CAST: variants seen among roughly 807,000 people sequenced by gnomAD.
CAST encodes MIR583 host.
CAST carries 76 observed loss-of-function variants against 119.6 expected under a neutral mutation model. The observed-to-expected ratio is 0.64, with a 90% CI of 0.53 to 0.77. The LOEUF is 0.77. CAST is among the 30% of genes least tolerant of loss of function. The pLI is 0.00. For missense variants in CAST, 953 were observed against 946.5 expected (o/e 1.01, Z -0.09); for synonymous variants, 319 against 331.6 (o/e 0.96, Z 0.41).
chr5:96,107,581 G>A, the CAST span, among the ~76,000 whole-genome samples: 1 of 152,160 alleles, frequency 6.6e-6, no homozygotes, highest in African/African-American at 2.4e-5. Flanking sequence ...TAGAGTTTCT[G>A]CCGAGAGATC....
intron 1 of CAST, among the ~76,000 whole-genome samples, chr5:96,532,801 G>C (rs1263605902): frequency 6.6e-6 from 1 of 152,136 alleles, no homozygotes; most frequent in African/African-American, 2.4e-5. Flanking sequence ...AGTGAGCTGA[G>C]ATCGTGCCAT....
the CAST span, among the ~76,000 whole-genome samples, chr5:96,426,888 T>A: frequency 6.6e-6 from 1 of 152,188 alleles, no homozygotes; most frequent in Admixed American, 6.5e-5. Flanking sequence ...ATTAAAAATA[T>A]ACTGCAAACC....
chr5:96,662,845 A>C (rs1477203980), intron 1 of CAST, among the ~76,000 whole-genome samples: 1 of 152,192 alleles, frequency 6.6e-6, no homozygotes. Context: ...TTCACTGGAC[A>C]GCGGGATGTA....
the CAST span, among the ~76,000 whole-genome samples, chr5:96,051,201 T>C: frequency 6.6e-6 from 1 of 151,196 alleles, no homozygotes; most frequent in African/African-American, 2.4e-5. Context: ...CATTCAGGCG[T>C]GTGTGTGTGT....
the CAST span, among the ~76,000 whole-genome samples, chr5:96,235,864 G>A: frequency 1.3e-5 from 2 of 152,050 alleles, no homozygotes; most frequent in South Asian, 2.1e-4. Context: ...ACTCCTCTGC[G>A]AGTAACTTGG....
At chr5:96,401,519 A>T in the CAST span, among the ~76,000 whole-genome samples, 3 of 152,244 alleles carry the variant, frequency 2.0e-5, no homozygotes, top group Non-Finnish European at 2.9e-5. Flanking sequence ...TAAAATCATA[A>T]GTCTTAGTAA....
the CAST span, among the ~76,000 whole-genome samples, chr5:96,195,326 T>G: frequency 5.9e-5 from 9 of 152,190 alleles, no homozygotes; most frequent in Non-Finnish European, 1.3e-4. Context: ...AATAAGACTT[T>G]GGAAGCCTTT....
At chr5:96,448,406 T>TTTCATTCA in the CAST span, among the ~76,000 whole-genome samples, 105 of 152,280 alleles carry the variant, frequency 6.9e-4, no homozygotes, top group African/African-American at 2.4e-3. Context: ...ACTTGCTATA[T>TTTCATTCA]TTCATTCATT....
chr5:96,291,840 C>CTGAGTGTG, the CAST span, among the ~76,000 whole-genome samples: 1 of 82,704 alleles, frequency 1.2e-5, no homozygotes, highest in East Asian at 3.9e-4. Context: ...GATTCCCAGT[C>CTGAGTGTG]TGCGTGTGTG....
the CAST span, among the ~76,000 whole-genome samples, chr5:96,469,879 A>ATATATGTGTGTGTGT: frequency 3.7e-5 from 4 of 107,420 alleles, no homozygotes; most frequent in African/African-American, 1.2e-4. Context: ...ATATATATAT[A>ATATATGTGTGTGTGT]ATATATATAT....
At chr5:96,131,350 A>C in the CAST span, among the ~76,000 whole-genome samples, 1 of 152,070 alleles carries the variant, frequency 6.6e-6, no homozygotes, top group Non-Finnish European at 1.5e-5. Flanking sequence ...AAGCCTGCAC[A>C]ACTGGCTGTT....
At chr5:96,009,767 TC>T in the CAST span, among the ~76,000 whole-genome samples, 1 of 152,216 alleles carries the variant, frequency 6.6e-6, no homozygotes, top group East Asian at 1.9e-4. Flanking sequence ...GCTGATAGTT[TC>T]TTTTGCTGTA....
the CAST span, among the ~76,000 whole-genome samples, chr5:95,997,223 C>T: frequency 6.6e-6 from 1 of 152,148 alleles, no homozygotes; most frequent in African/African-American, 2.4e-5. Context: ...CCAGGGGAAA[C>T]TGTGCCCACA....
the CAST span, among the ~76,000 whole-genome samples, chr5:96,019,889 G>A: frequency 1.3e-5 from 2 of 152,094 alleles, no homozygotes; most frequent in Middle Eastern, 3.2e-3. Context: ...GAGTAAATGC[G>A]ATTTCCAAAC....
chr5:96,094,146 G>A, the CAST span, among the ~76,000 whole-genome samples: 1 of 152,188 alleles, frequency 6.6e-6, no homozygotes, highest in Non-Finnish European at 1.5e-5. Context: ...AAAGATCCCT[G>A]GAGCCCATTA....
At chr5:96,085,238 T>C in the CAST span, among the ~76,000 whole-genome samples, 1 of 152,070 alleles carries the variant, frequency 6.6e-6, no homozygotes, top group African/African-American at 2.4e-5. Flanking sequence ...TAAAAAAAAA[T>C]AAAACTTATT....
At chr5:96,414,250 A>T in the CAST span, among the ~76,000 whole-genome samples, 3 of 152,260 alleles carry the variant, frequency 2.0e-5, no homozygotes, top group African/African-American at 7.2e-5. Flanking sequence ...GATGATAATA[A>T]CAGCTCATGT....
the CAST span, among the ~76,000 whole-genome samples, chr5:96,169,705 G>A: frequency 4.7e-4 from 72 of 152,170 alleles, no homozygotes; most frequent in Non-Finnish European, 8.2e-4. Context: ...TCACCAAGGA[G>A]GGAATAGAGG....
the CAST span, among the ~76,000 whole-genome samples, chr5:96,187,144 C>T: frequency 3.3e-5 from 5 of 152,026 alleles, no homozygotes; most frequent in Non-Finnish European, 7.4e-5. Context: ...CATAGAGGTG[C>T]TTATAGTATT....
Sources: gnomAD v4.1 joint callset for allele counts (sites outside exome capture counted in the v4.1 genomes callset) on GRCh38, gnomAD v4.1.1 for gene constraint, MANE v1.5 for transcripts, NCBI Gene and HGNC (gene_info 2026-07-23, HGNC 2026-07-21) for gene names.